The following OPA3 variants were observed in gnomAD, a reference collection of about 807,000 sequenced individuals.
OPA3 encodes outer mitochondrial membrane lipid metabolism regulator OPA3, also known as optic atrophy 3 protein.
Under a neutral mutation model 4.0 loss-of-function variants are expected in OPA3, and 6 were observed. The ratio of observed to expected loss-of-function variants is 1.51; its 90% CI spans 0.83 to 2.99. The LOEUF (loss-of-function observed/expected upper bound fraction) is 2.99, where lower values mean the gene tolerates loss of function less well. Among genes scored for constraint, OPA3 ranks in the 30% most tolerant of loss-of-function variants. OPA3 has a pLI of 0.00. For synonymous variants in OPA3, 105 were observed against 117.1 expected (o/e 0.90, Z 0.67); for missense variants, 235 against 256.2 (o/e 0.92, Z 0.56).
intron 1 of OPA3, among the ~76,000 whole-genome samples, chr19:45,578,683 C>T (rs1422238677): frequency 6.6e-6 from 1 of 151,944 alleles, no homozygotes; most frequent in Non-Finnish European, 1.5e-5. Context: ...CAAAATTAGC[C>T]GGGCGTGGTG....
At chr19:45,583,171 G>A (rs2035018773) in intron 1 of OPA3, among the ~76,000 whole-genome samples, 1 of 150,374 alleles carries the variant, frequency 6.7e-6, no homozygotes, top group African/African-American at 2.4e-5. Context: ...TTTTTTTGGA[G>A]ACGGAGTCTT....
At position 45,553,370 on chromosome 19, in the gene OPA3, C is replaced by T. The variant is rs1452274426; in HGVS notation, c.*144G>A. The T allele has an allele frequency of 1.1e-5, 17 of 1,555,642 alleles. No homozygotes were observed. Among genetic ancestry groups the T allele is most frequent in the Non-Finnish European group, 1.4e-5 (16 of 1,157,734 alleles). ...GTCCCAGTGGCAGGTAACGGCTGCT[C>T]TTATCAGCAGGGGTAACCAAATGCC... On this transcript the variant is annotated 3_prime_UTR_variant, in exon 2 of 2. Transcript: ENST00000263275.
chr19:45,548,379 G>A lies in OPA3; in HGVS notation c.*5135C>T, dbSNP rs1321324327. ...GACAGCAGGGCCTGCCAGGAGATGG[G>A]AGGGGCACAGCCCTCAGGGCACCTC... On this transcript the variant is annotated 3_prime_UTR_variant, in exon 2 of 2. Coordinates refer to ENST00000263275, the MANE Select transcript of OPA3 (RefSeq NM_025136.4). 5 of 985,614 alleles carry A rather than the reference G, an allele frequency of 5.1e-6. No homozygotes were observed. The highest frequency in any genetic ancestry group is 6.0e-6 in the Non-Finnish European group (5 of 830,038). The allele number at this position is 985,614 out of a possible 1,614,324, so 61.1% of individuals were successfully genotyped here. A position where few individuals can be genotyped will look rare whatever the true frequency, so the allele number is the denominator to read the frequency against.
chr19:45,559,639 G>A (rs899407268), intron 1 of OPA3, among the ~76,000 whole-genome samples: 5 of 151,766 alleles, frequency 3.3e-5, no homozygotes, highest in African/African-American at 7.3e-5. Context: ...CTGACCTCAC[G>A]TGATCCACCC....
At chr19:45,571,264 C>T (rs1021028214) in intron 1 of OPA3, among the ~76,000 whole-genome samples, 4 of 152,154 alleles carry the variant, frequency 2.6e-5, no homozygotes, top group Admixed American at 2.0e-4. Flanking sequence ...TTGCCTCAGT[C>T]TCCCAAGTAG....
intron 1 of OPA3, among the ~76,000 whole-genome samples, chr19:45,575,828 AC>A (rs1045828689): frequency 2.6e-5 from 4 of 151,900 alleles, no homozygotes; most frequent in African/African-American, 9.7e-5. Context: ...CTGGTCTTGA[AC>A]CCCTGGGTTC....
chr19:45,584,409 G>C (rs1471014267), intron 1 of OPA3: 8 of 985,116 alleles, frequency 8.1e-6, no homozygotes, highest in Non-Finnish European at 9.6e-6. Context: ...TTTCCTACTC[G>C]CGTGGTGGCT....
At chr19:45,557,411 G>A (rs989746289) in intron 1 of OPA3, among the ~76,000 whole-genome samples, 1 of 152,120 alleles carries the variant, frequency 6.6e-6, no homozygotes, top group African/African-American at 2.4e-5. Flanking sequence ...GATTCTAGAA[G>A]GGACAGCTGT....
chr19:45,564,482 A>G lies in OPA3; in HGVS notation c.143-10571T>C, dbSNP rs145010015. ...CCCAGGGGGCAAGTGCCACACTGAA[A>G]ACAAGCCTGTTCCTCTGGCATGGGG... On this transcript the variant is annotated intron_variant, in intron 1 of 1. Coordinates refer to ENST00000263275, the MANE Select transcript of OPA3 (RefSeq NM_025136.4). Among the ~76,000 whole-genome samples, 1,089 of 152,308 alleles carry G rather than the reference A, an allele frequency of 7.1e-3. 14 individuals are homozygous for G. The highest frequency in any genetic ancestry group is 0.024 in the African/African-American group (985 of 41,570).
chr19:45,548,538 C>A lies in OPA3; in HGVS notation c.*4976G>T. ...CAGGGAACACTGGAAAAGAAATGTA[C>A]GTGTGAGCATCTGTAAGACCCGGTG... On this transcript the variant is annotated 3_prime_UTR_variant, in exon 2 of 2. Transcript: ENST00000263275. The A allele has an allele frequency of 1.0e-6, 1 of 985,420 alleles. No individual in the cohort carries two copies. Among genetic ancestry groups the A allele is most frequent in the East Asian group, 1.1e-4 (1 of 8,812 alleles). The allele number at this position is 985,420 out of a possible 1,614,324, so 61.0% of individuals were successfully genotyped here.
Position 45,546,496 on chromosome 19 carries a change from CT to C in OPA3, c.*7017del. The stretch of plus-strand genomic sequence containing the variant: ...ATGCACACGATGGATTACATAAACT[CT>C]GCTTTTTTTTTTTTTTGAGACAGGG... On this transcript the variant is annotated 3_prime_UTR_variant, in exon 2 of 2. Coordinates refer to ENST00000263275, the MANE Select transcript of OPA3 (RefSeq NM_025136.4). The C allele has an allele frequency of 1.7e-6, 1 of 593,526 alleles. No individual in the cohort carries two copies. The highest frequency in any genetic ancestry group is 2.1e-6 in the Non-Finnish European group (1 of 473,840). The allele number at this position is 593,526 out of a possible 1,614,324, so 36.8% of individuals were successfully genotyped here.
chr19:45,541,507 A>G (rs1048115281), downstream of OPA3, among the ~76,000 whole-genome samples: 1 of 152,138 alleles, frequency 6.6e-6, no homozygotes, highest in Non-Finnish European at 1.5e-5. Context: ...GAAGTTTGAG[A>G]CTAGCCTGGG....
intron 1 of OPA3, among the ~76,000 whole-genome samples, chr19:45,568,549 A>G (rs1969616062): frequency 6.6e-6 from 1 of 152,144 alleles, no homozygotes; most frequent in Non-Finnish European, 1.5e-5. Flanking sequence ...AGAATTGTGC[A>G]GGCCGCAATA....
At chr19:45,573,318 G>A (rs976338003) in intron 1 of OPA3, among the ~76,000 whole-genome samples, 1 of 152,014 alleles carries the variant, frequency 6.6e-6, no homozygotes, top group African/African-American at 2.4e-5. Context: ...GGGCATGGTG[G>A]CACATGCCTG....
At chr19:45,566,304 T>C (rs942218622) in intron 1 of OPA3, among the ~76,000 whole-genome samples, 10 of 150,632 alleles carry the variant, frequency 6.6e-5, no homozygotes, top group Admixed American at 2.0e-4. Flanking sequence ...CGCAGACCAC[T>C]GTGCCCTGCT....
chr19:45,574,624 G>A (rs1171897179), intron 1 of OPA3, among the ~76,000 whole-genome samples: 2 of 152,142 alleles, frequency 1.3e-5, no homozygotes, highest in Non-Finnish European at 2.9e-5. Context: ...TGGCTAATAA[G>A]CAGCAGTGCC....
Position 45,549,281 on chromosome 19 carries a change from C to T in OPA3, c.*4233G>A, listed in dbSNP as rs576081836. The T allele has an allele frequency of 7.4e-5, 73 of 985,338 alleles. No individual in the cohort carries two copies. In the East Asian group the frequency reaches 9.1e-4, roughly 12 times the overall value. The allele number at this position is 985,338 out of a possible 1,614,324, so 61.0% of individuals were successfully genotyped here. A position where few individuals can be genotyped will look rare whatever the true frequency, so the allele number is the denominator to read the frequency against. On this transcript the variant is annotated 3_prime_UTR_variant, in exon 2 of 2. Coordinates refer to ENST00000263275, the MANE Select transcript of OPA3 (RefSeq NM_025136.4). ...TTGCATTTTGAGAGGACGTTCTTTC[C>T]ACTTCCACACACTCTGGCCACCCCT...
chr19:45,547,408 CTT>C lies in OPA3; in HGVS notation c.*6104_*6105del, dbSNP rs142661638. ...AATGAGCGCCTGGGTTCCAATAAGT[CTT>C]TATTTACAAAGACAGGAAGCAAGGG... On this transcript the variant is annotated 3_prime_UTR_variant, in exon 2 of 2. Transcript: ENST00000263275. The C allele has an allele frequency of 0.019, 2,960 of 152,318 alleles. 39 individuals carry two copies. Among genetic ancestry groups the C allele is most frequent in the South Asian group, 0.048 (232 of 4,824 alleles). 9.4% of individuals were successfully genotyped at this position (152,318 alleles called of 1,614,324 possible).
chr19:45,557,283 C>T (rs1479895319), intron 1 of OPA3, among the ~76,000 whole-genome samples: 3 of 152,200 alleles, frequency 2.0e-5, no homozygotes, highest in African/African-American at 4.8e-5. Context: ...CGTGTGTGCA[C>T]GCAGGCATGG....
Sources: allele counts gnomAD v4.1 joint callset (sites outside exome capture counted in the v4.1 genomes callset), GRCh38; gene constraint gnomAD v4.1.1; transcripts MANE v1.5; gene names NCBI Gene and HGNC (gene_info 2026-07-23, HGNC 2026-07-21).